The following MYO16 variants were observed in gnomAD, a reference collection of about 807,000 sequenced individuals.
MYO16 encodes the protein unconventional myosin-XVI.
A neutral mutation model predicts 205.3 loss-of-function variants in MYO16; 94 were observed. That is an observed-to-expected ratio of 0.46 (90% confidence interval 0.39 to 0.54). MYO16 has a LOEUF of 0.54. Among genes scored for constraint, MYO16 ranks in the 20% least tolerant of loss-of-function variants. The probability of loss-of-function intolerance (pLI) is 0.00; values close to 1 mark genes in which losing one functional copy is unlikely to be tolerated. For synonymous variants in MYO16, 988 were observed against 954.0 expected (o/e 1.04, Z -0.66); for missense variants, 2,315 against 2,387.5 (o/e 0.97, Z 0.63).
intron 33 of MYO16, among the ~76,000 whole-genome samples, chr13:109,173,697 C>T (rs1378922190): frequency 2.6e-5 from 4 of 151,350 alleles, no homozygotes; most frequent in African/African-American, 9.7e-5. Flanking sequence ...CGATCGAGAC[C>T]ATCCTGGCTA....
the MYO16 span, among the ~76,000 whole-genome samples, chr13:108,550,505 A>C: frequency 1.3e-5 from 2 of 152,348 alleles, no homozygotes; most frequent in Admixed American, 1.3e-4. Context: ...GAGTACAAAC[A>C]AAATTACAAA....
chr13:108,644,823 G>T (rs1204835360), intron 1 of MYO16, among the ~76,000 whole-genome samples: 1 of 152,180 alleles, frequency 6.6e-6, no homozygotes, highest in East Asian at 1.9e-4. Flanking sequence ...GAAGACACTG[G>T]TTTAAAAATA....
At chr13:109,169,497 C>A (rs1249140988) in intron 33 of MYO16, among the ~76,000 whole-genome samples, 1 of 151,718 alleles carries the variant, frequency 6.6e-6, no homozygotes, top group African/African-American at 2.4e-5. Flanking sequence ...AAAATTGGCA[C>A]AAATAACAGA....
chr13:108,614,850 T>C (rs905458212), intron 1 of MYO16, among the ~76,000 whole-genome samples: 2 of 81,344 alleles, frequency 2.5e-5, no homozygotes, highest in Non-Finnish European at 5.4e-5. Flanking sequence ...ATGCAGTGGC[T>C]ACAGTTTTTA....
intron 28 of MYO16, among the ~76,000 whole-genome samples, chr13:109,105,395 C>G (rs1889094516): frequency 6.6e-6 from 1 of 152,170 alleles, no homozygotes; most frequent in Admixed American, 6.6e-5. Context: ...TTACTTGAAC[C>G]TGGGAGGTGG....
chr13:108,714,125 C>T (rs9555497), intron 3 of MYO16, among the ~76,000 whole-genome samples: 7,631 of 152,142 alleles, frequency 0.05, 240 homozygotes, highest in East Asian at 0.14. Flanking sequence ...GGTGCAATCT[C>T]GGCTCACTGC....
intron 10 of MYO16, among the ~76,000 whole-genome samples, chr13:108,848,804 G>A (rs147544462): frequency 1.2e-3 from 185 of 152,240 alleles, no homozygotes; most frequent in Non-Finnish European, 1.8e-3. Context: ...TATAAAGTGC[G>A]AGCCTGTCTT....
chr13:108,834,871 A>T (rs1876819699), intron 9 of MYO16, among the ~76,000 whole-genome samples: 1 of 152,098 alleles, frequency 6.6e-6, no homozygotes, highest in African/African-American at 2.4e-5. Context: ...AAATTTAAAT[A>T]TATTGAAGTT....
intron 1 of MYO16, among the ~76,000 whole-genome samples, chr13:108,647,126 G>T (rs1039554362): frequency 2.0e-5 from 3 of 152,100 alleles, no homozygotes; most frequent in African/African-American, 7.2e-5. Flanking sequence ...AAAGTTCAGA[G>T]ACTTTTCTTT....
At chr13:109,131,383 C>A (rs768510880) in intron 31 of MYO16, among the ~76,000 whole-genome samples, 2 of 152,152 alleles carry the variant, frequency 1.3e-5, no homozygotes, top group Non-Finnish European at 2.9e-5. Flanking sequence ...TAGGTCTTCA[C>A]CCAATAAAAA....
chr13:108,816,681 C>T (rs930685634), intron 7 of MYO16, among the ~76,000 whole-genome samples: 2 of 152,152 alleles, frequency 1.3e-5, no homozygotes, highest in Non-Finnish European at 2.9e-5. Context: ...ATGTAATTCC[C>T]GCCTCAAGGT....
At chr13:108,836,249 G>A (rs1876911295) in intron 9 of MYO16, among the ~76,000 whole-genome samples, 1 of 152,214 alleles carries the variant, frequency 6.6e-6, no homozygotes, top group South Asian at 2.1e-4. Flanking sequence ...CAAGCCCCAA[G>A]CCTTGGTGGA....
At chr13:109,135,856 G>A (rs55729312) in intron 31 of MYO16, among the ~76,000 whole-genome samples, 61 of 152,256 alleles carry the variant, frequency 4.0e-4, no homozygotes, top group Non-Finnish European at 7.6e-4. Flanking sequence ...GAGTACTTCC[G>A]TGGGTCAGTG....
intron 27 of MYO16, among the ~76,000 whole-genome samples, chr13:109,075,383 T>TGTGAC (rs1566493664): frequency 1.6e-4 from 24 of 151,800 alleles, no homozygotes; most frequent in South Asian, 2.1e-4. Context: ...AGCATTTCCT[T>TGTGAC]TTTTTTTCTT....
At chr13:109,154,911 GAAAAAAA>G (rs59465499) in intron 32 of MYO16, among the ~76,000 whole-genome samples, 11 of 62,666 alleles carry the variant, frequency 1.8e-4, no homozygotes, top group African/African-American at 3.7e-4. Flanking sequence ...GGCTAATTAT[GAAAAAAA>G]AAAAAAAAAA....
intron 1 of MYO16, among the ~76,000 whole-genome samples, chr13:108,656,402 A>G (rs1236792513): frequency 6.6e-6 from 1 of 152,050 alleles, no homozygotes; most frequent in East Asian, 1.9e-4. Flanking sequence ...GTCCAATTAA[A>G]CCTCTTTTTC....
chr13:109,165,390 G>A (rs183886257), intron 33 of MYO16, among the ~76,000 whole-genome samples: 135 of 152,282 alleles, frequency 8.9e-4, no homozygotes, highest in African/African-American at 3.1e-3. Context: ...TGGAAACTAA[G>A]AAATGTGAAG....
intron 2 of MYO16, among the ~76,000 whole-genome samples, chr13:108,690,140 G>A (rs1882835607): frequency 6.6e-6 from 1 of 152,006 alleles, no homozygotes; most frequent in Non-Finnish European, 1.5e-5. Flanking sequence ...TGGATACCAT[G>A]CAAAACAAAA....
chr13:108,777,777 G>T (rs576481707), intron 4 of MYO16, among the ~76,000 whole-genome samples: 9 of 152,252 alleles, frequency 5.9e-5, no homozygotes, highest in Non-Finnish European at 1.0e-4. Context: ...GTCTAATGTT[G>T]TAAGAATCCA....
Sources: allele counts gnomAD v4.1 joint callset (sites outside exome capture counted in the v4.1 genomes callset), GRCh38; gene constraint gnomAD v4.1.1; transcripts MANE v1.5; gene names NCBI Gene and HGNC (gene_info 2026-07-23, HGNC 2026-07-21).